OTOA: variants seen among roughly 807,000 people sequenced by gnomAD.
The protein encoded by OTOA is cancer/testis antigen 108.
Under a neutral mutation model 110.8 loss-of-function variants are expected in OTOA, and 70 were observed. The ratio of observed to expected loss-of-function variants is 0.63; its 90% CI spans 0.52 to 0.77. The LOEUF (loss-of-function observed/expected upper bound fraction) is 0.77, where lower values mean the gene tolerates loss of function less well. Among genes scored for constraint, OTOA ranks in the 30% least tolerant of loss-of-function variants. OTOA has a pLI of 0.00. For missense variants in OTOA, 917 were observed against 1,075.8 expected (o/e 0.85, Z 2.06); for synonymous variants, 373 against 431.5 (o/e 0.86, Z 1.68).
At chr16:21,744,377 C>T (rs1481090343) in intron 23 of OTOA, among the ~76,000 whole-genome samples, 1 of 151,154 alleles carries the variant, frequency 6.6e-6, no homozygotes, top group Non-Finnish European at 1.5e-5. Context: ...GAACTCCTGG[C>T]CTCATGTGAT....
In OTOA at chr16:21,737,343, G is replaced by A. The variant is rs200088211; in HGVS notation, c.2431+953G>A. ...AGATTACAGCAACTCTCCTGCCTCA[G>A]CCTCCTGACTAGCTGGGATTATAGG... On this transcript the variant is annotated intron_variant, in intron 22 of 28. Transcript: ENST00000646100. Among the ~76,000 whole-genome samples the A allele has an allele frequency of 2.0e-4, 30 of 152,378 alleles. No homozygotes were observed. In the East Asian group the frequency reaches 5.2e-3, roughly 27 times the overall value.
At chr16:21,722,259 C>CAA (rs1320756375) in intron 17 of OTOA, among the ~76,000 whole-genome samples, 2 of 68,452 alleles carry the variant, frequency 2.9e-5, no homozygotes, top group African/African-American at 5.6e-5. Context: ...GAGACTGTCT[C>CAA]AAAAAAAAAA....
At chr16:21,681,403 C>T (rs1390032821) in intron 5 of OTOA, among the ~76,000 whole-genome samples, 4 of 151,922 alleles carry the variant, frequency 2.6e-5, no homozygotes, top group Non-Finnish European at 5.9e-5. Flanking sequence ...CCAGCCTGGG[C>T]AACATAGTGA....
At chr16:21,688,657 T>C (rs8053978) in intron 8 of OTOA, among the ~76,000 whole-genome samples, 1,732 of 152,186 alleles carry the variant, frequency 0.011, 43 homozygotes, top group African/African-American at 0.04. Context: ...GGTTTATAGG[T>C]GGCACCTTCT....
At chr16:21,684,723 A>C (rs1966972059) in intron 6 of OTOA, among the ~76,000 whole-genome samples, 1 of 74,756 alleles carries the variant, frequency 1.3e-5, no homozygotes, top group African/African-American at 6.7e-5. Flanking sequence ...GAATCCCCTT[A>C]TTATTATTAT....
chr16:21,716,769 G>T, intron 14 of OTOA, 138 bp from the exon 15 acceptor site: 1 of 950,994 alleles, frequency 1.1e-6, no homozygotes, highest in East Asian at 2.4e-5. Context: ...TGTGAAATGG[G>T]GATGATGCTA....
intron 10 of OTOA, among the ~76,000 whole-genome samples, chr16:21,699,270 G>A (rs536207657): frequency 2.1e-4 from 32 of 152,134 alleles, no homozygotes; most frequent in African/African-American, 7.2e-4. Context: ...AATTTTATAT[G>A]GACAAAGAGT....
At chr16:21,696,257 G>C (rs1235888901) in intron 9 of OTOA, among the ~76,000 whole-genome samples, 1 of 151,982 alleles carries the variant, frequency 6.6e-6, no homozygotes, top group East Asian at 1.9e-4. Context: ...GCCAGAACGG[G>C]GTGTCAGAGA....
In OTOA at chr16:21,713,392, G is replaced by A. The variant is rs562208675; in HGVS notation, c.1321-1593G>A. Among the ~76,000 whole-genome samples, 7 of 152,274 alleles carry A rather than the reference G, an allele frequency of 4.6e-5. No individual in the cohort carries two copies. In the South Asian group the frequency reaches 1.4e-3, roughly 32 times the overall value. Reference sequence around the variant, plus strand: ...GGAGCAGGATGTCGGTAGAGAGGGCGAGGGAGGGATGAAGGGCAGCTGCAG... The same window carrying A: ...GGAGCAGGATGTCGGTAGAGAGGGCAAGGGAGGGATGAAGGGCAGCTGCAG... On this transcript the variant is annotated intron_variant, in intron 13 of 28. Transcript: ENST00000646100.
intron 19 of OTOA, 61 bp downstream of exon 19, chr16:21,726,719 C>T: frequency 6.2e-7 from 1 of 1,603,794 alleles, no homozygotes; most frequent in Non-Finnish European, 8.5e-7. Context: ...CTTGGGGAGC[C>T]CTGTGAGGGA....
At chr16:21,725,577 C>A (rs1898887822) in intron 18 of OTOA, among the ~76,000 whole-genome samples, 1 of 152,142 alleles carries the variant, frequency 6.6e-6, no homozygotes, top group South Asian at 2.1e-4. Context: ...AGCCACCACA[C>A]CTGGCCAGAA....
chr16:21,668,647 A>C (rs1218008168), intron 1 of OTOA, among the ~76,000 whole-genome samples: 1 of 150,990 alleles, frequency 6.6e-6, no homozygotes, highest in Non-Finnish European at 1.5e-5. Context: ...TCTTTAGTAG[A>C]GATGGGTTTT....
At chr16:21,665,831 G>C (rs911920067) in intron 1 of OTOA, among the ~76,000 whole-genome samples, 1 of 151,602 alleles carries the variant, frequency 6.6e-6, no homozygotes, top group African/African-American at 2.4e-5. Flanking sequence ...TTGACTGCTT[G>C]AATTTTTTTT....
intron 6 of OTOA, among the ~76,000 whole-genome samples, chr16:21,684,843 C>T (rs1897678618): frequency 6.6e-6 from 1 of 151,388 alleles, no homozygotes; most frequent in African/African-American, 2.4e-5. Context: ...CCTCCGCCTC[C>T]CGGGTTTAAG....
At chr16:21,727,522 C>T (rs1326206970) in intron 19 of OTOA, among the ~76,000 whole-genome samples, 3 of 152,112 alleles carry the variant, frequency 2.0e-5, no homozygotes, top group South Asian at 2.1e-4. Context: ...GGACGGTGCC[C>T]GCACATAGGA....
intron 7 of OTOA, among the ~76,000 whole-genome samples, chr16:21,686,834 A>C (rs1029310547): frequency 6.6e-6 from 1 of 152,152 alleles, no homozygotes; most frequent in African/African-American, 2.4e-5. Flanking sequence ...TTGAGGCTGC[A>C]GTGAGCTATA....
intron 13 of OTOA, among the ~76,000 whole-genome samples, chr16:21,713,204 A>C (rs1016626018): frequency 6.6e-6 from 1 of 152,136 alleles, no homozygotes; most frequent in Non-Finnish European, 1.5e-5. Flanking sequence ...GGCTCAAGCA[A>C]TCTACTCGCC....
intron 12 of OTOA, 72 bp from the exon 13 acceptor site, chr16:21,709,816 C>G: frequency 7.5e-7 from 1 of 1,336,982 alleles, no homozygotes; most frequent in South Asian, 1.2e-5. Flanking sequence ...GTCCTAATAG[C>G]CCTGGATATG....
At position 21,710,027 on chromosome 16, in the gene OTOA, C is replaced by A; in HGVS notation, c.1244C>A (p.Ser415Tyr). The change falls in exon 13 of 29, where the codon TCC becomes TAC. Residue 415 changes from serine (S) to tyrosine (Y), a missense_variant. Ser to Tyr is a moderately radical substitution (Grantham distance 144). Transcript: ENST00000646100. ...LSPEAVHGAI[S>Y]TLNQVSGWAK... ...CCCGAGGCTGTGCACGGAGCCATCT[C>A]CACCCTCAACCAGGTCTCAGGTTGG... 4 of 1,614,082 alleles carry A rather than the reference C, an allele frequency of 2.5e-6. No homozygotes were observed. Among genetic ancestry groups the A allele is most frequent in the Non-Finnish European group, 3.4e-6 (4 of 1,179,998 alleles).
Sources: gnomAD v4.1 joint callset for allele counts (sites outside exome capture counted in the v4.1 genomes callset) on GRCh38, gnomAD v4.1.1 for gene constraint, MANE v1.5 for transcripts, NCBI Gene and HGNC (gene_info 2026-07-23, HGNC 2026-07-21) for gene names.